Variants in NCKAP5 observed in about 807,000 individuals in gnomAD.
NCKAP5 encodes the protein nck-associated protein 5.
A neutral mutation model predicts 167.0 loss-of-function variants in NCKAP5; 92 were observed. The observed-to-expected ratio is 0.55, with a 90% CI of 0.47 to 0.66. The LOEUF (loss-of-function observed/expected upper bound fraction) is 0.66, where lower values mean the gene tolerates loss of function less well. Among genes scored for constraint, NCKAP5 ranks in the 30% least tolerant of loss-of-function variants. The pLI, the probability that NCKAP5 is intolerant of heterozygous loss-of-function variation, is 0.00. For missense variants in NCKAP5, 2,378 were observed against 2,315.0 expected, an observed-to-expected ratio of 1.03 and a Z score of -0.56; for synonymous variants, 891 against 877.4, an observed-to-expected ratio of 1.02 and a Z score of -0.27.
chr2:133,277,494 C>T (rs1234358979), intron 4 of NCKAP5, among the ~76,000 whole-genome samples: 1 of 151,990 alleles, frequency 6.6e-6, no homozygotes, highest in African/African-American at 2.4e-5. Flanking sequence ...GTTAAAACTC[C>T]TGTAAATCAC....
intron 6 of NCKAP5, among the ~76,000 whole-genome samples, chr2:133,003,260 C>G (rs2077850258): frequency 1.3e-5 from 2 of 152,118 alleles, no homozygotes; most frequent in Admixed American, 1.3e-4. Context: ...ATATAATTTG[C>G]TTTTAAGTTT....
intron 2 of NCKAP5, among the ~76,000 whole-genome samples, chr2:133,539,442 T>C (rs1471363602): frequency 2.0e-5 from 3 of 151,816 alleles, no homozygotes; most frequent in Admixed American, 2.0e-4. Flanking sequence ...AAATAAAAAA[T>C]ACAGATAATT....
chr2:132,739,698 A>G (rs1691843912), intron 16 of NCKAP5, among the ~76,000 whole-genome samples: 1 of 152,196 alleles, frequency 6.6e-6, no homozygotes, highest in Non-Finnish European at 1.5e-5. Context: ...ACTTTACTCA[A>G]CAACTACCCT....
At chr2:132,818,777 T>A (rs898987042) in intron 11 of NCKAP5, among the ~76,000 whole-genome samples, 1 of 152,232 alleles carries the variant, frequency 6.6e-6, no homozygotes, top group Non-Finnish European at 1.5e-5. Flanking sequence ...CAGTTATGAA[T>A]GGAGGCATCA....
intron 3 of NCKAP5, among the ~76,000 whole-genome samples, chr2:133,513,073 T>A (rs1683639019): frequency 6.6e-6 from 1 of 152,184 alleles, no homozygotes; most frequent in Non-Finnish European, 1.5e-5. Context: ...AGGAAAGAGA[T>A]GGCACACTCA....
chr2:132,992,062 A>C (rs897695643), intron 7 of NCKAP5, among the ~76,000 whole-genome samples: 1 of 152,190 alleles, frequency 6.6e-6, no homozygotes, highest in Non-Finnish European at 1.5e-5. Context: ...GCATATGAGA[A>C]GTTCAGTAAG....
intron 3 of NCKAP5, among the ~76,000 whole-genome samples, chr2:133,473,689 G>A (rs79626356): frequency 0.031 from 4,758 of 152,282 alleles, 103 homozygotes; most frequent in Admixed American, 0.072. Flanking sequence ...TTACTTTTCA[G>A]CTATTCTAAA....
At chr2:133,655,721 C>T in the NCKAP5 span, among the ~76,000 whole-genome samples, 2 of 152,150 alleles carry the variant, frequency 1.3e-5, no homozygotes, top group Non-Finnish European at 2.9e-5. Context: ...AGAATTGCAC[C>T]ACCAAAATTA....
At chr2:133,176,281 T>C (rs1431760936) in intron 5 of NCKAP5, among the ~76,000 whole-genome samples, 2 of 152,196 alleles carry the variant, frequency 1.3e-5, no homozygotes, top group Non-Finnish European at 2.9e-5. Flanking sequence ...CACTTTAACC[T>C]CTATAAATGA....
intron 4 of NCKAP5, among the ~76,000 whole-genome samples, chr2:133,224,980 T>C (rs1416496556): frequency 1.3e-5 from 2 of 152,152 alleles, no homozygotes; most frequent in Non-Finnish European, 2.9e-5. Flanking sequence ...GTTGCCACGC[T>C]CTCTAAGAAA....
the NCKAP5 span, among the ~76,000 whole-genome samples, chr2:133,584,953 G>GGAAGGAAGGAAGGAAA: frequency 5.0e-5 from 6 of 119,506 alleles, no homozygotes; most frequent in Admixed American, 8.9e-5. Flanking sequence ...AAGGAAGGAA[G>GGAAGGAAGGAAGGAAA]GAAGGAAGGA....
intron 8 of NCKAP5, among the ~76,000 whole-genome samples, chr2:132,882,646 T>C (rs1483443397): frequency 6.6e-6 from 1 of 152,228 alleles, no homozygotes; most frequent in African/African-American, 2.4e-5. Context: ...GTTTATATTA[T>C]TCATTTGAAA....
intron 4 of NCKAP5, among the ~76,000 whole-genome samples, chr2:133,272,178 T>A (rs775798467): frequency 6.6e-6 from 1 of 151,396 alleles, no homozygotes. Flanking sequence ...TTAGTGGACA[T>A]GTAGAAATGA....
chr2:132,762,471 A>T (rs1681087253), intron 16 of NCKAP5, among the ~76,000 whole-genome samples: 1 of 152,196 alleles, frequency 6.6e-6, no homozygotes, highest in Non-Finnish European at 1.5e-5. Context: ...GGGTCTCTGT[A>T]TAGCTAGTTC....
intron 19 of NCKAP5, among the ~76,000 whole-genome samples, chr2:132,676,915 T>G (rs150863667): frequency 6.6e-6 from 1 of 152,206 alleles, no homozygotes; most frequent in African/African-American, 2.4e-5. Context: ...GGATGGACTT[T>G]GGATTTAGAG....
rs16857190 is a variant in NCKAP5 at position 133,139,066 on chromosome 2, T to C, written c.208-8955A>G. Among the ~76,000 whole-genome samples the C allele has an allele frequency of 6.4e-3, 972 of 152,270 alleles. 16 individuals are homozygous for C. The highest frequency in any genetic ancestry group is 0.022 in the African/African-American group (924 of 41,556). ...ATTGGCTCATGGATCTCTCTCTACA[T>C]GTGCTCCTAGACCTCCATATGTGTG... On this transcript the variant is annotated intron_variant, in intron 5 of 19. Transcript: ENST00000409261.
chr2:133,097,478 G>A (rs1404367418), intron 6 of NCKAP5, among the ~76,000 whole-genome samples: 1 of 152,142 alleles, frequency 6.6e-6, no homozygotes, highest in Non-Finnish European at 1.5e-5. Flanking sequence ...TCCAGCCTCT[G>A]ATGAAATGCA....
In NCKAP5 at chr2:133,065,628, AT is replaced by A. The variant is rs558541299; in HGVS notation, c.341+64349del. ...GACAGAGCGAGACTCTATCTTAAAA[AT>A]TTTTTTTCTCTCTCATTAAGTTAGT... On this transcript the variant is annotated intron_variant, in intron 6 of 19. Coordinates refer to ENST00000409261, the MANE Select transcript of NCKAP5 (RefSeq NM_207363.3). Among the ~76,000 whole-genome samples, 144 of 152,028 alleles carry A rather than the reference AT, an allele frequency of 9.5e-4. 2 individuals are homozygous for A. The South Asian group carries it at 0.029, about 30-fold the overall frequency.
At chr2:132,689,579 C>T (rs949778351) in intron 19 of NCKAP5, among the ~76,000 whole-genome samples, 6 of 152,176 alleles carry the variant, frequency 3.9e-5, no homozygotes, top group African/African-American at 1.2e-4. Flanking sequence ...GCAGACATGG[C>T]TAATACCTGG....
Sources: allele counts gnomAD v4.1 joint callset (sites outside exome capture counted in the v4.1 genomes callset), GRCh38; gene constraint gnomAD v4.1.1; transcripts MANE v1.5; gene names NCBI Gene and HGNC (gene_info 2026-07-23, HGNC 2026-07-21).